The following KPTN variants were observed in gnomAD, a reference collection of about 807,000 sequenced individuals.
The protein encoded by KPTN is KICSTOR complex protein kaptin.
A neutral mutation model predicts 52.6 loss-of-function variants in KPTN; 36 were observed. The observed-to-expected ratio is 0.68, with a 90% CI of 0.52 to 0.90. KPTN has a LOEUF of 0.90. Ranked by LOEUF, KPTN falls within the 40% of genes least tolerant of loss-of-function variation. The pLI is 0.00. For missense variants in KPTN, 529 were observed against 576.2 expected, an observed-to-expected ratio of 0.92 and a Z score of 0.84; for synonymous variants, 271 against 248.4, an observed-to-expected ratio of 1.09 and a Z score of -0.85.
At position 47,475,428 on chromosome 19, in the gene KPTN, A is replaced by G. The variant is rs752284080; in HGVS notation, c.1299T>C (p.Asn433=). The G allele has an allele frequency of 1.2e-6, 2 of 1,612,710 alleles. No individual in the cohort carries two copies. Among genetic ancestry groups the G allele is most frequent in the Non-Finnish European group, 1.7e-6 (2 of 1,179,072 alleles). ...EDGAGAGPAE[N]AAS ...GGTGCATGGGTGCTTAAGAGGCTGC[A>G]TTCTCAGCAGGCCCTGCACCTGCCC... is the stretch of plus-strand genomic sequence containing the variant. The change falls in exon 12 of 12, where the codon AAT becomes AAC. Residue 433 remains asparagine (N), a synonymous_variant. Transcript: ENST00000338134.
In KPTN at chr19:47,475,165, C is replaced by G; in HGVS notation, c.*251G>C. On this transcript the variant is annotated 3_prime_UTR_variant, in exon 12 of 12. Coordinates refer to ENST00000338134, the MANE Select transcript of KPTN (RefSeq NM_007059.4). ...AACTGGGAAATGATGTTCTTCTGGACGTATAAATAACCATCAGGTGGCCAA... is the reference window on the plus strand; with the variant it reads ...AACTGGGAAATGATGTTCTTCTGGAGGTATAAATAACCATCAGGTGGCCAA... The G allele has an allele frequency of 5.4e-6, 2 of 372,524 alleles. No homozygotes were observed. Among genetic ancestry groups the G allele is most frequent in the Admixed American group, 8.0e-5 (2 of 25,124 alleles). 23.1% of individuals were successfully genotyped at this position (372,524 alleles called of 1,614,324 possible).
chr19:47,483,949 A>T lies in KPTN; in HGVS notation c.212T>A (p.Phe71Tyr). Residue 71 changes from phenylalanine to tyrosine, a missense_variant, in exon 1 of 12, where the codon TTC becomes TAC. Physicochemically the swap from Phe to Tyr is conservative, Grantham distance 22. Transcript: ENST00000338134. ...GCGCCACCCACCGGGAATGTAGTTG[A>T]ACTGCAGCTCCTTGGCCACTGGCCG... ...KIRPVAKELQ[F>Y]NYIPVDAEIV... 1 of 1,612,866 alleles carries T rather than the reference A, an allele frequency of 6.2e-7. No individual in the cohort carries two copies.
chr19:47,476,564 C>T lies in KPTN; in HGVS notation c.1150G>A (p.Val384Met), dbSNP rs531059735. 1.1e-5 allele frequency: 17 copies of T among 1,611,098 alleles called. No individual in the cohort carries two copies. Among genetic ancestry groups the T allele is most frequent in the East Asian group, 4.5e-5 (2 of 44,622 alleles). The change falls in exon 11 of 12, where the codon GTG becomes ATG. Residue 384 changes from valine (V) to methionine (M), a missense_variant. Coordinates refer to ENST00000338134, the MANE Select transcript of KPTN (RefSeq NM_007059.4). ...LTGDGLQELA[V>M]VSLKGVHILQ... ...ATGTGCACGCCCTTCAGGGAGACCA[C>T]GGCAAGCTCCTGCAGCCCATCCCCG...
rs2122702728 is a variant in KPTN at position 47,483,604 on chromosome 19, A to T, written c.227-20T>A. The stretch of plus-strand genomic sequence containing the variant: ...CATCCACTGGGAGGGGAGAGTTCTA[A>T]GTTCAGTGTCAGGCAGACTCATGCT... On this transcript the variant is annotated intron_variant, in intron 1 of 11. Transcript: ENST00000338134. The T allele has an allele frequency of 6.6e-7, 1 of 1,519,808 alleles. No homozygotes were observed. The highest frequency in any genetic ancestry group is 2.0e-5 in the Admixed American group (1 of 50,762). The allele number at this position is 1,519,808 out of a possible 1,614,324, so 94.1% of individuals were successfully genotyped here. A position where few individuals can be genotyped will look rare whatever the true frequency, so the allele number is the denominator to read the frequency against.
chr19:47,480,245 C>A, intron 7 of KPTN, 53 bp downstream of exon 7: 1 of 1,106,490 alleles, frequency 9.0e-7, no homozygotes. Flanking sequence ...CACCCTGGCC[C>A]CGCCCTCTAG....
chr19:47,477,658 G>T, intron 9 of KPTN, 48 bp downstream of exon 9: 2 of 1,396,534 alleles, frequency 1.4e-6, no homozygotes, highest in Non-Finnish European at 2.0e-6. Flanking sequence ...AGACCACAGT[G>T]CAAAGAAAGA....
intron 8 of KPTN, among the ~76,000 whole-genome samples, chr19:47,478,205 C>T (rs1209668717): frequency 1.3e-5 from 2 of 151,998 alleles, no homozygotes; most frequent in African/African-American, 4.8e-5. Context: ...GGCTGTGCTA[C>T]ACAGGGAGGG....
intron 7 of KPTN, 71 bp downstream of exon 7, chr19:47,480,227 C>A: frequency 1.0e-6 from 1 of 987,634 alleles, no homozygotes; most frequent in Non-Finnish European, 1.5e-6. Flanking sequence ...AGCTCCAGCC[C>A]TCAGCCCCAC....
At position 47,483,577 on chromosome 19, in the gene KPTN, C is replaced by T. The variant is rs553753624; in HGVS notation, c.234G>A (p.Ala78=). ...TGAAAGTGTCGATGGAGACAATCTCCGCATCCACTGGGAGGGGAGAGTTCT... is the reference window on the plus strand; with the variant it reads ...TGAAAGTGTCGATGGAGACAATCTCTGCATCCACTGGGAGGGGAGAGTTCT... ...ELQFNYIPVD[A]EIVSIDTFNK... Residue 78 remains alanine, a synonymous_variant, in exon 2 of 12, where the codon GCG becomes GCA. Transcript: ENST00000338134. 11 of 1,557,604 alleles carry T rather than the reference C, an allele frequency of 7.1e-6. No homozygotes were observed. In the African/African-American group the frequency reaches 1.4e-4, roughly 19 times the overall value.
chr19:47,484,274 CGT>C, upstream of KPTN: 2 of 1,309,852 alleles, frequency 1.5e-6, no homozygotes, highest in South Asian at 3.0e-5. Flanking sequence ...GGGCTGATGA[CGT>C]ACGGAAGCTG....
Position 47,476,835 on chromosome 19 carries a change from G to A in KPTN, c.967C>T (p.Arg323Trp), listed in dbSNP as rs369136620. 21 of 1,581,754 alleles carry A rather than the reference G, an allele frequency of 1.3e-5. No individual in the cohort carries two copies. Among genetic ancestry groups the A allele is most frequent in the African/African-American group, 1.2e-4 (9 of 74,362 alleles). ...TAGGTGGCCACCAGGACTTCTGGCC[G>A]CCCATCCAAATCCACATCGGTGACC... The part of the protein sequence containing the change: ...SLVTDVDLDG[R>W]PEVLVATYGQ... Residue 323 changes from arginine (R) to tryptophan (W), a missense_variant, in exon 10 of 12, where the codon CGG becomes TGG. By Grantham distance (101) the Arg-to-Trp change is moderately radical (BLOSUM62 -3). Coordinates refer to ENST00000338134, the MANE Select transcript of KPTN (RefSeq NM_007059.4).
rs759159595 is a variant in KPTN at position 47,479,939 on chromosome 19, C to A, written c.711G>T (p.Glu237Asp). The A allele has an allele frequency of 6.2e-7, 1 of 1,612,192 alleles. No homozygotes were observed. Among genetic ancestry groups the A allele is most frequent in the Non-Finnish European group, 8.5e-7 (1 of 1,179,220 alleles). The part of the protein sequence containing the change: ...RVAHVDQRSR[E>D]VLQMWSVLQD... ...GCAGGACCGACCACATCTGCAGAACCTCTGCGTGGAGAGCGAGGATTCAGA... is the reference window on the plus strand; with the variant it reads ...GCAGGACCGACCACATCTGCAGAACATCTGCGTGGAGAGCGAGGATTCAGA... The change falls in exon 8 of 12, where the codon GAG becomes GAT. Residue 237 changes from glutamate to aspartate, a missense_variant and splice_region_variant. Physicochemically the swap from Glu to Asp is conservative, Grantham distance 45. Coordinates refer to ENST00000338134, the MANE Select transcript of KPTN (RefSeq NM_007059.4).
Position 47,476,903 on chromosome 19 carries a change from A to G in KPTN, c.899T>C (p.Leu300Pro). 6.4e-7 allele frequency: 1 copy of G among 1,559,986 alleles called. No individual in the cohort carries two copies. The highest frequency in any genetic ancestry group is 8.7e-7 in the Non-Finnish European group (1 of 1,151,404). ...GTCAAACTGGTCACTGCCGGGCAGG[A>G]GAAGCTGGTCTTCAAGACCCCGGTT... Reference protein sequence around the residue: ...LLNRGLEDQLLLPGSDQFDSV... With the variant: ...LLNRGLEDQLPLPGSDQFDSV... Residue 300 changes from leucine (L) to proline (P), a missense_variant, in exon 10 of 12, where the codon CTC becomes CCC. Leu to Pro is a moderately conservative substitution (Grantham distance 98). Coordinates refer to ENST00000338134, the MANE Select transcript of KPTN (RefSeq NM_007059.4).
Position 47,483,164 on chromosome 19 carries a change from G to A in KPTN, c.446C>T (p.Ala149Val), listed in dbSNP as rs369379973. The change falls in exon 4 of 12, where the codon GCG (alanine) becomes GTG (valine). Residue 149 changes from alanine to valine, a missense_variant. By Grantham distance (64) the Ala-to-Val change is moderately conservative (BLOSUM62 0). Coordinates refer to ENST00000338134, the MANE Select transcript of KPTN (RefSeq NM_007059.4). Reference protein sequence around the residue: ...LQFTPFQLCHAEVQVGDQLET... With the variant: ...LQFTPFQLCHVEVQVGDQLET... Reference sequence around the variant, plus strand: ...TCGATGCGCAGGGGACACTCACTCCGCATGGCACAGCTGGAACGGAGTGAA... The same window carrying A: ...TCGATGCGCAGGGGACACTCACTCCACATGGCACAGCTGGAACGGAGTGAA... 30 of 1,613,644 alleles carry A rather than the reference G, an allele frequency of 1.9e-5. No individual in the cohort carries two copies. The highest frequency in any genetic ancestry group is 2.0e-5 in the Non-Finnish European group (24 of 1,179,828).
Position 47,478,043 on chromosome 19 carries a change from G to C in KPTN, c.788-262C>G, listed in dbSNP as rs192507418. ...CCACTGCACTCCAGCCTGGGTGACA[G>C]AGCGAGACTCCGTCTCAGAAAAAGA... On this transcript the variant is annotated intron_variant, in intron 8 of 11. Coordinates refer to ENST00000338134, the MANE Select transcript of KPTN (RefSeq NM_007059.4). Among the ~76,000 whole-genome samples the C allele has an allele frequency of 1.7e-3, 252 of 151,002 alleles. 1 individual carries two copies. The highest frequency in any genetic ancestry group is 0.014 in the Middle Eastern group (4 of 292).
intron 11 of KPTN, 52 bp downstream of exon 11, chr19:47,476,480 T>TG: frequency 2.7e-6 from 4 of 1,473,192 alleles, no homozygotes; most frequent in African/African-American, 1.6e-5. Context: ...CTGCACCCCC[T>TG]GCTCGAAACT....
intron 1 of KPTN, 134 bp downstream of exon 1, chr19:47,483,801 C>T: frequency 1.6e-6 from 2 of 1,278,522 alleles, no homozygotes; most frequent in South Asian, 2.9e-5. Context: ...TGCCTGCCCG[C>T]TGATCCCAGT....
intron 11 of KPTN, 108 bp downstream of exon 11, chr19:47,476,424 G>C: frequency 1.2e-6 from 1 of 864,754 alleles, no homozygotes; most frequent in Non-Finnish European, 1.7e-6. Flanking sequence ...CTGACTGGTA[G>C]GAACTGCCTC....
chr19:47,483,461 T>C, intron 2 of KPTN, 41 bp downstream of exon 2: 1 of 1,594,868 alleles, frequency 6.3e-7, no homozygotes, highest in Non-Finnish European at 8.6e-7. Flanking sequence ...ACCATGTGTG[T>C]AAGGAGGAGG....
Sources: allele counts gnomAD v4.1 joint callset (sites outside exome capture counted in the v4.1 genomes callset), GRCh38; gene constraint gnomAD v4.1.1; transcripts MANE v1.5; gene names NCBI Gene and HGNC (gene_info 2026-07-23, HGNC 2026-07-21).